ANKFN1: variants seen among roughly 807,000 people sequenced by gnomAD.
ANKFN1 encodes ankyrin repeat and fibronectin type III domain containing 1.
A neutral mutation model predicts 108.7 loss-of-function variants in ANKFN1; 74 were observed. The observed-to-expected ratio is 0.68, with a 90% CI of 0.56 to 0.83. The LOEUF is 0.83. Ranked by LOEUF, ANKFN1 falls within the 40% of genes least tolerant of loss-of-function variation. ANKFN1 has a pLI of 0.00. For missense variants in ANKFN1, 1,505 were observed against 1,382.3 expected (o/e 1.09, Z -1.41); for synonymous variants, 547 against 516.2 (o/e 1.06, Z -0.81).
intron 1 of ANKFN1, among the ~76,000 whole-genome samples, chr17:56,157,000 G>T (rs1396745609): frequency 2.0e-5 from 3 of 152,156 alleles, no homozygotes. Context: ...AATTGGCATG[G>T]CTTTATTGTA....
chr17:56,232,525 G>T (rs1226293599), intron 3 of ANKFN1, among the ~76,000 whole-genome samples: 1 of 152,100 alleles, frequency 6.6e-6, no homozygotes, highest in African/African-American at 2.4e-5. Flanking sequence ...CATGCAACAC[G>T]TAGTAATTTC....
intron 3 of ANKFN1, among the ~76,000 whole-genome samples, chr17:56,244,376 G>A (rs985552360): frequency 3.9e-5 from 6 of 152,090 alleles, no homozygotes; most frequent in Non-Finnish European, 7.4e-5. Flanking sequence ...AGCATTCCCT[G>A]TGTGCTGGTA....
chr17:56,181,324 A>T (rs989423292), intron 1 of ANKFN1, among the ~76,000 whole-genome samples: 1 of 152,136 alleles, frequency 6.6e-6, no homozygotes, highest in African/African-American at 2.4e-5. Flanking sequence ...AAAAGTACAC[A>T]TTTTCATAAT....
chr17:56,456,392 T>C lies in ANKFN1; in HGVS notation c.1208-469T>C, dbSNP rs561125671. 4.1e-3 allele frequency among the ~76,000 whole-genome samples: 539 copies of C among 132,958 alleles called. 2 individuals carry two copies. Among genetic ancestry groups the C allele is most frequent in the Non-Finnish European group, 6.3e-3 (405 of 64,730 alleles). The allele number at this position is 132,958 out of a possible 152,430, so 87.2% of individuals were successfully genotyped here. A position where few individuals can be genotyped will look rare whatever the true frequency, so the allele number is the denominator to read the frequency against. On this transcript the variant is annotated intron_variant, in intron 11 of 20. Transcript: ENST00000682825. Reference sequence around the variant, plus strand: ...TGGCATCTCAAGATACCAGAGCTTCTTTTTTTCTCTTTTTTTTTTTTTTTT... The same window carrying C: ...TGGCATCTCAAGATACCAGAGCTTCCTTTTTTCTCTTTTTTTTTTTTTTTT...
intron 20 of ANKFN1, among the ~76,000 whole-genome samples, chr17:56,501,142 G>A (rs2051354689): frequency 6.6e-6 from 1 of 151,904 alleles, no homozygotes; most frequent in Non-Finnish European, 1.5e-5. Flanking sequence ...GGTAGGTGAG[G>A]GACAGAAAGA....
intron 3 of ANKFN1, among the ~76,000 whole-genome samples, chr17:56,260,064 G>A (rs1264616085): frequency 6.6e-6 from 1 of 152,148 alleles, no homozygotes; most frequent in Admixed American, 6.5e-5. Flanking sequence ...TTCCATGCAA[G>A]GATAGGCAAA....
intron 3 of ANKFN1, among the ~76,000 whole-genome samples, chr17:56,237,296 G>C (rs1917226202): frequency 6.6e-6 from 1 of 152,132 alleles, no homozygotes; most frequent in Admixed American, 6.6e-5. Context: ...GGAAGAATTA[G>C]TTCCCTCTTC....
At chr17:56,454,891 CGTTT>C (rs2049633597) in intron 11 of ANKFN1, among the ~76,000 whole-genome samples, 1 of 152,118 alleles carries the variant, frequency 6.6e-6, no homozygotes, top group Non-Finnish European at 1.5e-5. Context: ...TTTGGGTGTT[CGTTT>C]GTCTGTTGAT....
chr17:56,070,892 G>A (rs180779663), intron 4 of ANKFN1, among the ~76,000 whole-genome samples: 18 of 151,900 alleles, frequency 1.2e-4, no homozygotes, highest in Admixed American at 6.6e-4. Context: ...ACACCACCAC[G>A]CCCAGCTAAT....
At chr17:56,331,575 C>A (rs1006084100) in intron 4 of ANKFN1, among the ~76,000 whole-genome samples, 2 of 152,084 alleles carry the variant, frequency 1.3e-5, no homozygotes, top group African/African-American at 4.8e-5. Context: ...TGACAGGCAG[C>A]CAGATCAAGT....
intron 1 of ANKFN1, among the ~76,000 whole-genome samples, chr17:56,160,467 C>A (rs111698797): frequency 6.6e-6 from 1 of 151,942 alleles, no homozygotes; most frequent in Non-Finnish European, 1.5e-5. Context: ...CTACATTCAG[C>A]GGTCTGTTTG....
intron 3 of ANKFN1, among the ~76,000 whole-genome samples, chr17:56,302,555 GAAGA>G (rs1221854311): frequency 6.8e-6 from 1 of 148,054 alleles, no homozygotes; most frequent in Non-Finnish European, 1.5e-5. Flanking sequence ...TGAGAGAAAA[GAAGA>G]AAGAAAAAAG....
upstream of ANKFN1, among the ~76,000 whole-genome samples, chr17:56,151,237 C>T (rs2143439623): frequency 6.6e-6 from 1 of 152,286 alleles, no homozygotes; most frequent in East Asian, 1.9e-4. Context: ...CATGAAGGTG[C>T]AGTGAGGACA....
At chr17:56,138,637 A>G (rs537167428) in intron 4 of ANKFN1, among the ~76,000 whole-genome samples, 6 of 151,566 alleles carry the variant, frequency 4.0e-5, no homozygotes, top group East Asian at 3.9e-4. Context: ...ACCCTCCCCA[A>G]TAGCTGGGAT....
rs1213776469 is a variant in ANKFN1, at chr17:56,510,857, G to A, written c.3029G>A (p.Gly1010Asp). 2 of 1,536,088 alleles carry A rather than the reference G, an allele frequency of 1.3e-6. No individual in the cohort carries two copies. Among genetic ancestry groups the A allele is most frequent in the Admixed American group, 3.9e-5 (2 of 50,996 alleles). ...RKPGKHPHYG[G>D]FSRHHRWLRI... The stretch of plus-strand genomic sequence containing the variant: ...CCAGGCAAGCACCCCCACTATGGCG[G>A]CTTCAGCCGCCATCATCGCTGGTTG... Residue 1010 changes from glycine to aspartate, a missense_variant, in exon 21 of 21, where the codon GGC becomes GAC. By Grantham distance (94) the Gly-to-Asp change is moderately conservative. Coordinates refer to ENST00000682825, the MANE Select transcript of ANKFN1 (RefSeq NM_001370326.1).
intron 8 of ANKFN1, among the ~76,000 whole-genome samples, chr17:56,404,774 C>A (rs1432755705): frequency 6.6e-6 from 1 of 152,092 alleles, no homozygotes; most frequent in Non-Finnish European, 1.5e-5. Flanking sequence ...CTGGTTCCTT[C>A]TTATTTGGGT....
At chr17:56,306,682 C>A (rs1041097312) in intron 3 of ANKFN1, among the ~76,000 whole-genome samples, 1 of 152,156 alleles carries the variant, frequency 6.6e-6, no homozygotes, top group African/African-American at 2.4e-5. Context: ...AATGCCATCT[C>A]CACCAAGCTA....
chr17:56,296,076 T>TG (rs995343987), intron 3 of ANKFN1, among the ~76,000 whole-genome samples: 2 of 137,146 alleles, frequency 1.5e-5, no homozygotes, highest in African/African-American at 7.2e-5. Context: ...TAAATTCAGG[T>TG]TTTTTTTTCA....
chr17:56,234,561 T>C (rs1018229593), intron 3 of ANKFN1, among the ~76,000 whole-genome samples: 20 of 152,206 alleles, frequency 1.3e-4, no homozygotes, highest in African/African-American at 4.8e-4. Flanking sequence ...GTCCATAAGT[T>C]CTCATCATTT....
Sources: gnomAD v4.1 joint callset for allele counts (sites outside exome capture counted in the v4.1 genomes callset) on GRCh38, gnomAD v4.1.1 for gene constraint, MANE v1.5 for transcripts, NCBI Gene and HGNC (gene_info 2026-07-23, HGNC 2026-07-21) for gene names.